DNAJC7: variants seen among roughly 807,000 people sequenced by gnomAD.
DNAJC7 encodes the protein dnaJ homolog subfamily C member 7.
A neutral mutation model predicts 67.4 loss-of-function variants in DNAJC7; 18 were observed. The observed-to-expected ratio is 0.27, with a 90% confidence interval of 0.18 to 0.40. The LOEUF (loss-of-function observed/expected upper bound fraction) is 0.40. Ranked by LOEUF, DNAJC7 falls within the 10% of genes least tolerant of loss-of-function variation. DNAJC7 has a pLI of 1.00. For missense variants in DNAJC7, 419 were observed against 613.8 expected (o/e 0.68, Z 3.35); for synonymous variants, 220 against 207.8 (o/e 1.06, Z -0.50).
Position 41,997,099 on chromosome 17 carries a change from C to T in DNAJC7, c.291+16G>A. 1 of 1,613,800 alleles carries T rather than the reference C, an allele frequency of 6.2e-7. No individual in the cohort carries two copies. On this transcript the variant is annotated intron_variant, in intron 3 of 13. Coordinates refer to ENST00000457167, the MANE Select transcript of DNAJC7 (RefSeq NM_003315.4). ...AGCAACCCAGCCTTCCCCAAACAGC[C>T]CCATTACATACATACCCGGACAAAA...
chr17:42,011,306 T>C (rs1276455624), intron 1 of DNAJC7: 3 of 152,250 alleles, frequency 2.0e-5, no homozygotes, highest in African/African-American at 7.2e-5. Context: ...GGCTGGAATG[T>C]ACAATAAGGC....
chr17:41,993,287 G>A (rs7216930), intron 5 of DNAJC7, among the ~76,000 whole-genome samples: 136,976 of 151,654 alleles, frequency 0.9, 61,967 homozygotes, highest in East Asian at 1. Flanking sequence ...GTGAAACCCT[G>A]TCTCTACTAA....
intron 1 of DNAJC7, chr17:42,015,389 T>TTATA (rs2052239540): frequency 6.6e-6 from 1 of 152,240 alleles, no homozygotes; most frequent in Non-Finnish European, 1.5e-5. Flanking sequence ...ACCTATTTTA[T>TTATA]TATATGTCTT....
chr17:41,985,353 T>G (rs1172428572), intron 9 of DNAJC7: 1 of 151,834 alleles, frequency 6.6e-6, no homozygotes, highest in African/African-American at 2.4e-5. Context: ...ATGTAATAAT[T>G]TGAAGTAAGA....
chr17:41,990,353 T>C lies in DNAJC7; in HGVS notation c.510A>G (p.Glu170=), dbSNP rs1555647594. The change falls in exon 6 of 14, where the codon GAA becomes GAG. Residue 170 remains glutamate (E), a synonymous_variant. Transcript: ENST00000457167. ...KVVFCMDRAL[E]FAPACHRFKI... is the part of the protein sequence containing the mutation. Reference sequence around the variant, plus strand: ...TGAAGCGATGGCAGGCAGGGGCAAATTCTAGGGCACGGTCCATGCAGAAAA... The same window carrying C: ...TGAAGCGATGGCAGGCAGGGGCAAACTCTAGGGCACGGTCCATGCAGAAAA... The C allele has an allele frequency of 6.2e-7, 1 of 1,610,760 alleles. No individual in the cohort carries two copies. The highest frequency in any genetic ancestry group is 8.5e-7 in the Non-Finnish European group (1 of 1,178,618).
At chr17:41,993,275 C>T (rs111419827) in intron 5 of DNAJC7, among the ~76,000 whole-genome samples, 2 of 151,984 alleles carry the variant, frequency 1.3e-5, no homozygotes, top group East Asian at 1.9e-4. Context: ...CTGGCTAACA[C>T]GGTGAAACCC....
In DNAJC7 at chr17:41,976,566, G is replaced by C. The variant is rs1198859272; in HGVS notation, c.*167C>G. On this transcript the variant is annotated 3_prime_UTR_variant, in exon 14 of 14. Coordinates refer to ENST00000457167, the MANE Select transcript of DNAJC7 (RefSeq NM_003315.4). ...CCCCTGCCCTCGGTCTTCGGCATTG[G>C]TTCCCTTTGCTCCACCCCACTCACA... 11 of 812,452 alleles carry C rather than the reference G, an allele frequency of 1.4e-5. No homozygotes were observed. The highest frequency in any genetic ancestry group is 1.9e-5 in the Non-Finnish European group (10 of 538,432). The allele number at this position is 812,452 out of a possible 1,614,324, so 50.3% of individuals were successfully genotyped here. A position where few individuals can be genotyped will look rare whatever the true frequency, so the allele number is the denominator to read the frequency against.
chr17:41,995,047 A>G, intron 4 of DNAJC7, 103 bp from the exon 5 acceptor site: 1 of 937,694 alleles, frequency 1.1e-6, no homozygotes, highest in Non-Finnish European at 1.7e-6. Flanking sequence ...CAGTAAATAT[A>G]CCACACTGCC....
intron 1 of DNAJC7, among the ~76,000 whole-genome samples, chr17:42,010,667 A>C (rs1295530190): frequency 6.6e-6 from 1 of 152,126 alleles, no homozygotes; most frequent in Non-Finnish European, 1.5e-5. Context: ...AAACTGTCCA[A>C]GGAAGAACTC....
chr17:41,991,462 T>A (rs1309592357), intron 5 of DNAJC7, among the ~76,000 whole-genome samples: 1 of 152,210 alleles, frequency 6.6e-6, no homozygotes, highest in Non-Finnish European at 1.5e-5. Context: ...CTCAGTGATT[T>A]TTTTTTAAAG....
At chr17:41,996,920 G>C (rs1188502849) in intron 3 of DNAJC7, among the ~76,000 whole-genome samples, 195 bp downstream of exon 3, 1 of 152,250 alleles carries the variant, frequency 6.6e-6, no homozygotes, top group Non-Finnish European at 1.5e-5. Flanking sequence ...CAACTGGGCA[G>C]AGGGGGTGCT....
Position 41,987,903 on chromosome 17 carries a change from T to C in DNAJC7, c.926A>G (p.Lys309Arg), listed in dbSNP as rs781847740. The C allele has an allele frequency of 1.5e-5, 24 of 1,609,852 alleles. No homozygotes were observed. The highest frequency in any genetic ancestry group is 2.0e-5 in the Non-Finnish European group (23 of 1,178,132). ...GCAGTCTTCTATTGCATCATCTAGT[T>C]TCCTAAGCTTCAGGAGAGAGAGAGC... ...NRGTVNSKLRKLDDAIEDCTN... is the reference protein window; with the variant it reads ...NRGTVNSKLRRLDDAIEDCTN... The change falls in exon 9 of 14, where the codon AAA (lysine) becomes AGA (arginine). Residue 309 changes from lysine to arginine, a missense_variant. Lys to Arg is a conservative substitution (Grantham distance 26). Around this residue, in one of 4 missense-constraint regions of DNAJC7, gnomAD observed 161 missense variants for 252.2 expected, o/e 0.64. Coordinates refer to ENST00000457167, the MANE Select transcript of DNAJC7 (RefSeq NM_003315.4).
In DNAJC7 at chr17:41,979,829, C is replaced by T. The variant is rs1218621379; in HGVS notation, c.1384+2026G>A. 4.5e-4 allele frequency among the ~76,000 whole-genome samples: 67 copies of T among 147,724 alleles called. 1 individual carries two copies. Among genetic ancestry groups the T allele is most frequent in the African/African-American group, 1.4e-3 (57 of 40,230 alleles). ...TACAAAAATTAGCTGGGCGTGGTGGCGCACACCTGTAGTCCCAGCTACTCG... is the reference window on the plus strand; with the variant it reads ...TACAAAAATTAGCTGGGCGTGGTGGTGCACACCTGTAGTCCCAGCTACTCG... On this transcript the variant is annotated intron_variant, in intron 12 of 13. Coordinates refer to ENST00000457167, the MANE Select transcript of DNAJC7 (RefSeq NM_003315.4).
intron 1 of DNAJC7, among the ~76,000 whole-genome samples, chr17:42,005,652 T>C (rs553163415): frequency 4.2e-4 from 64 of 152,350 alleles, no homozygotes; most frequent in African/African-American, 1.5e-3. Context: ...CAGACTAGCA[T>C]GGTTTCATTA....
At position 42,005,872 on chromosome 17, in the gene DNAJC7, C is replaced by T. The variant is rs563909614; in HGVS notation, c.78-5302G>A. Among the ~76,000 whole-genome samples the T allele has an allele frequency of 9.9e-5, 15 of 151,926 alleles. No homozygotes were observed. The East Asian group carries it at 1.4e-3, about 14-fold the overall frequency. On this transcript the variant is annotated intron_variant, in intron 1 of 13. Transcript: ENST00000457167. ...TCTCCCACCTCAGCCTCCCTAGTAG[C>T]TGGGATTACAGGCACACGCCACCAT...
intron 12 of DNAJC7, 29 bp from the exon 13 acceptor site, chr17:41,977,352 G>A: frequency 6.5e-7 from 1 of 1,549,438 alleles, no homozygotes; most frequent in East Asian, 2.4e-5. Flanking sequence ...AACATGGAAG[G>A]GAAGAAAAGG....
At chr17:42,016,229 G>C (rs1387434210) in intron 1 of DNAJC7, 1 of 152,128 alleles carries the variant, frequency 6.6e-6, no homozygotes, top group Admixed American at 6.6e-5. Context: ...CATTGCGTCC[G>C]AGTACTTCTT....
intron 1 of DNAJC7, among the ~76,000 whole-genome samples, chr17:42,002,812 C>A (rs541099245): frequency 1.4e-4 from 21 of 152,240 alleles, no homozygotes; most frequent in African/African-American, 5.1e-4. Flanking sequence ...ATGGACAATA[C>A]ATATAAATTT....
At chr17:41,984,054 A>C (rs1384497596) in intron 9 of DNAJC7, among the ~76,000 whole-genome samples, 2 of 152,240 alleles carry the variant, frequency 1.3e-5, no homozygotes, top group African/African-American at 4.8e-5. Flanking sequence ...ATAGTGCCAT[A>C]AACATGCAGG....
Sources: gnomAD v4.1 joint callset for allele counts (sites outside exome capture counted in the v4.1 genomes callset) on GRCh38, gnomAD v4.1.1 for gene constraint, gnomAD v4.1.1 regional missense constraint, MANE v1.5 for transcripts, NCBI Gene and HGNC (gene_info 2026-07-23, HGNC 2026-07-21) for gene names.